Variants in KCNJ18 observed in about 807,000 individuals in gnomAD.
The protein encoded by KCNJ18 is potassium inwardly rectifying channel subfamily J member 18, also known as inward rectifier potassium channel 18.
Under a neutral mutation model 17.3 loss-of-function variants are expected in KCNJ18, and 16 were observed. The observed-to-expected ratio is 0.92, with a 90% CI of 0.62 to 1.40. The LOEUF (loss-of-function observed/expected upper bound fraction) is 1.40. Among genes scored for constraint, KCNJ18 ranks in the 40% most tolerant of loss-of-function variants. KCNJ18 has a pLI of 0.00. For synonymous variants in KCNJ18, 185 were observed against 262.6 expected, an observed-to-expected ratio of 0.70 and a Z score of 2.86; for missense variants, 462 against 626.8, an observed-to-expected ratio of 0.74 and a Z score of 2.81.
chr17:21,699,965 G>A (rs1905889758), intron 2 of KCNJ18, among the ~76,000 whole-genome samples: 1 of 152,290 alleles, frequency 6.6e-6, no homozygotes, highest in Non-Finnish European at 1.5e-5. Context: ...AAGGCCCCTG[G>A]GCCACACAAA....
At chr17:21,693,517 C>T (rs1259269356) in intron 1 of KCNJ18, among the ~76,000 whole-genome samples, 1 of 152,300 alleles carries the variant, frequency 6.6e-6, no homozygotes, top group Non-Finnish European at 1.5e-5. Flanking sequence ...ATCCGACCTT[C>T]GCTGCTCAGA....
intron 1 of KCNJ18, among the ~76,000 whole-genome samples, chr17:21,693,279 C>T (rs1178282671): frequency 5.3e-5 from 8 of 152,266 alleles, no homozygotes; most frequent in South Asian, 2.1e-4. Context: ...CTCTGCTCTA[C>T]GTCTCAGTAC....
chr17:21,703,863 G>A lies in KCNJ18; in HGVS notation c.1077G>A (p.Ala359=), dbSNP rs1422373640. Residue 359 remains alanine (A), a synonymous_variant, in exon 3 of 3, where the codon GCG becomes GCA. Transcript: ENST00000567955. The stretch of plus-strand genomic sequence containing the variant: ...TGCCCTCTACGCCCCGCTGCAGTGC[G>A]AAGGATCTGGTAGAGAACAAGTTCC... ...YEVPSTPRCS[A]KDLVENKFLL... is the part of the protein sequence containing the mutation. 26 of 1,612,588 alleles carry A rather than the reference G, an allele frequency of 1.6e-5. No individual in the cohort carries two copies. The highest frequency in any genetic ancestry group is 2.2e-5 in the South Asian group (2 of 91,046).
In KCNJ18 at chr17:21,702,958, G is replaced by T; in HGVS notation, c.172G>T (p.Ala58Ser). ...GAATGGCCAGTGCAACATTGCGTTC[G>T]CCAACATGGACGAGAAGTCACAGCG... ...KKNGQCNIAF[A>S]NMDEKSQRYL... Residue 58 changes from alanine (A) to serine (S), a missense_variant, in exon 3 of 3, where the codon GCC becomes TCC. By Grantham distance (99) the Ala-to-Ser change is moderately conservative. Around this residue, in one of 5 missense-constraint regions of KCNJ18, gnomAD observed 237 missense variants for 259.4 expected, o/e 0.91. Coordinates refer to ENST00000567955, the MANE Select transcript of KCNJ18 (RefSeq NM_001194958.2). 5.7e-6 allele frequency: 9 copies of T among 1,588,946 alleles called. No individual in the cohort carries two copies. Among genetic ancestry groups the T allele is most frequent in the Non-Finnish European group, 7.7e-6 (9 of 1,169,552 alleles).
intron 2 of KCNJ18, among the ~76,000 whole-genome samples, chr17:21,697,608 C>A (rs1296938726): frequency 6.6e-6 from 1 of 152,310 alleles, no homozygotes; most frequent in South Asian, 2.1e-4. Context: ...TGTCCCCCAG[C>A]AGTGCCCCTC....
chr17:21,699,300 G>T (rs1381870422), intron 2 of KCNJ18, among the ~76,000 whole-genome samples: 1 of 152,112 alleles, frequency 6.6e-6, no homozygotes, highest in African/African-American at 2.4e-5. Context: ...GACCTTGAAG[G>T]CCGCATGTTT....
At position 21,702,915 on chromosome 17, in the gene KCNJ18, C is replaced by CA; in HGVS notation, c.131dup (p.Asn44LysfsTer27). On this transcript the variant is annotated frameshift_variant, in exon 3 of 3. Transcript: ENST00000567955. LOFTEE classifies it high-confidence loss of function. ...AGGTGCACACGCGGCGCAGGTGCCGCAACCGCTTCGTCAAGAAGAATGGCC... is the reference window on the plus strand; with the variant it reads ...AGGTGCACACGCGGCGCAGGTGCCGCAAACCGCTTCGTCAAGAAGAATGGCC... 1.3e-6 allele frequency: 2 copies of CA among 1,593,522 alleles called. No individual in the cohort carries two copies. The highest frequency in any genetic ancestry group is 1.7e-6 in the Non-Finnish European group (2 of 1,173,386).
chr17:21,699,489 T>TCACACA (rs1371885091), intron 2 of KCNJ18, among the ~76,000 whole-genome samples: 1 of 151,910 alleles, frequency 6.6e-6, no homozygotes, highest in Non-Finnish European at 1.5e-5. Context: ...TCTCTCTCTC[T>TCACACA]CTCACACACA....
Position 21,703,962 on chromosome 17 carries a change from G to T in KCNJ18, c.1176G>T (p.Ala392=). ...AFLSRDEEDE[A]DGDQDGRSRD... Reference sequence around the variant, plus strand: ...TGAGCCGTGACGAGGAGGATGAGGCGGACGGAGACCAGGACGGCCGAAGCC... The same window carrying T: ...TGAGCCGTGACGAGGAGGATGAGGCTGACGGAGACCAGGACGGCCGAAGCC... The change falls in exon 3 of 3, where the codon GCG becomes GCT. Residue 392 remains alanine (A), a synonymous_variant. Transcript: ENST00000567955. The T allele has an allele frequency of 1.9e-6, 3 of 1,607,224 alleles. No homozygotes were observed. Among genetic ancestry groups the T allele is most frequent in the Non-Finnish European group, 2.5e-6 (3 of 1,178,770 alleles).
Position 21,704,153 on chromosome 17 carries a change from G to A in KCNJ18, c.*65G>A, listed in dbSNP as rs1164770225. On this transcript the variant is annotated 3_prime_UTR_variant, in exon 3 of 3. Transcript: ENST00000567955. The stretch of plus-strand genomic sequence containing the variant: ...GGAGAGGCCCCGCGGTCGCTCAGGG[G>A]CCCTGGGTTTGAGCAGAACGGGCCC... 2.2e-5 allele frequency: 32 copies of A among 1,460,868 alleles called. No individual in the cohort carries two copies. In the East Asian group the frequency reaches 2.2e-4, roughly 10 times the overall value. 90.5% of individuals were successfully genotyped at this position (1,460,868 alleles called of 1,614,324 possible).
At position 21,704,324 on chromosome 17, in the gene KCNJ18, T is replaced by C. The variant is rs1251914345; in HGVS notation, c.*236T>C. 1.6e-3 allele frequency: 838 copies of C among 535,190 alleles called. 3 individuals carry two copies. Among genetic ancestry groups the C allele is most frequent in the African/African-American group, 0.012 (626 of 52,626 alleles). The allele number at this position is 535,190 out of a possible 1,614,324, so 33.2% of individuals were successfully genotyped here. ...ACAGGCTCAGGGCAAAGAAGTGGCCTCCTGGGGGGCCAGGCCACGGGGGCC... is the reference window on the plus strand; with the variant it reads ...ACAGGCTCAGGGCAAAGAAGTGGCCCCCTGGGGGGCCAGGCCACGGGGGCC... On this transcript the variant is annotated 3_prime_UTR_variant, in exon 3 of 3. Transcript: ENST00000567955.
intron 2 of KCNJ18, among the ~76,000 whole-genome samples, 175 bp from the exon 3 acceptor site, chr17:21,702,556 G>A (rs1178228089): frequency 1.3e-5 from 2 of 152,224 alleles, no homozygotes; most frequent in African/African-American, 4.8e-5. Flanking sequence ...GCCCGAAGGG[G>A]GTGGCCACTC....
rs1483644193 is a variant in KCNJ18 at position 21,698,862 on chromosome 17, G to A, written c.-57+2758G>A. ...ATCTCCGGGGGTCTGCCGGGCCCGC[G>A]CTCTCTCCCCACTGCCTGCTCTCTC... On this transcript the variant is annotated intron_variant, in intron 2 of 2. Coordinates refer to ENST00000567955, the MANE Select transcript of KCNJ18 (RefSeq NM_001194958.2). 3.3e-5 allele frequency among the ~76,000 whole-genome samples: 5 copies of A among 152,246 alleles called. No individual in the cohort carries two copies. The South Asian group carries it at 6.2e-4, about 19-fold the overall frequency.
At chr17:21,693,447 T>C (rs1452119584) in intron 1 of KCNJ18, among the ~76,000 whole-genome samples, 1 of 152,304 alleles carries the variant, frequency 6.6e-6, no homozygotes, top group Admixed American at 6.5e-5. Flanking sequence ...TGTGGATAGA[T>C]GCTGCTGCCC....
chr17:21,698,727 G>C (rs1368496077), intron 2 of KCNJ18, among the ~76,000 whole-genome samples: 1 of 152,076 alleles, frequency 6.6e-6, no homozygotes, highest in African/African-American at 2.4e-5. Context: ...GGCAGCTGCC[G>C]TCTGGCATCC....
intron 2 of KCNJ18, among the ~76,000 whole-genome samples, chr17:21,702,522 G>A (rs1276085741): frequency 2.0e-5 from 3 of 152,190 alleles, no homozygotes; most frequent in African/African-American, 7.2e-5. Flanking sequence ...GTGGAGCTGA[G>A]GTTTTTGGCT....
In KCNJ18 at chr17:21,693,388, T is replaced by A. The variant is rs1294872060; in HGVS notation, c.-179+674T>A. ...AATGCCCCTTTCAGGTAGTAGGGAGTGAGGGACGAGGTTGGGAGAGCCTGG... is the reference window on the plus strand; with the variant it reads ...AATGCCCCTTTCAGGTAGTAGGGAGAGAGGGACGAGGTTGGGAGAGCCTGG... On this transcript the variant is annotated intron_variant, in intron 1 of 2. Coordinates refer to ENST00000567955, the MANE Select transcript of KCNJ18 (RefSeq NM_001194958.2). Among the ~76,000 whole-genome samples, 4 of 152,404 alleles carry A rather than the reference T, an allele frequency of 2.6e-5. No individual in the cohort carries two copies. In the East Asian group the frequency reaches 7.7e-4, roughly 29 times the overall value.
rs1228070528 is a variant in KCNJ18, at chr17:21,704,102, G to C, written c.*14G>C. ...TCAGAGATCTGAGCCAACCTTGGCC[G>C]ACATGCAGCATCCACCCCTGGCCGG... On this transcript the variant is annotated 3_prime_UTR_variant, in exon 3 of 3. Coordinates refer to ENST00000567955, the MANE Select transcript of KCNJ18 (RefSeq NM_001194958.2). The C allele has an allele frequency of 9.8e-6, 15 of 1,532,114 alleles. No individual in the cohort carries two copies. In the East Asian group the frequency reaches 2.9e-4, roughly 29 times the overall value. The allele number at this position is 1,532,114 out of a possible 1,614,324, so 94.9% of individuals were successfully genotyped here.
chr17:21,700,672 C>T (rs1430096221), intron 2 of KCNJ18, among the ~76,000 whole-genome samples: 18 of 101,084 alleles, frequency 1.8e-4, no homozygotes, highest in African/African-American at 4.3e-4. Context: ...CAGACCGGGG[C>T]TGAGTCCTGG....
Sources: allele counts gnomAD v4.1 joint callset (sites outside exome capture counted in the v4.1 genomes callset), GRCh38; gene constraint gnomAD v4.1.1; regional missense constraint gnomAD v4.1.1; transcripts MANE v1.5; gene names NCBI Gene and HGNC (gene_info 2026-07-23, HGNC 2026-07-21).